The following FAM13C variants were observed in gnomAD, a reference collection of about 807,000 sequenced individuals.
FAM13C encodes family with sequence similarity 13 member C, also known as protein FAM13C.
In FAM13C, 37 loss-of-function variants were observed where a neutral mutation model predicts 73.2. The ratio of observed to expected loss-of-function variants is 0.51; its 90% CI spans 0.39 to 0.67. The LOEUF (loss-of-function observed/expected upper bound fraction) is 0.67, where lower values mean the gene tolerates loss of function less well. Among genes scored for constraint, FAM13C ranks in the 30% least tolerant of loss-of-function variants. The pLI, the probability that FAM13C is intolerant of heterozygous loss-of-function variation, is 0.00. For missense variants in FAM13C, 589 were observed against 715.6 expected (o/e 0.82, Z 2.02); for synonymous variants, 246 against 260.9 (o/e 0.94, Z 0.55).
chr10:59,349,515 A>T lies in FAM13C; in HGVS notation c.324+2755T>A, dbSNP rs145256181. Among the ~76,000 whole-genome samples the T allele has an allele frequency of 4.0e-3, 602 of 152,274 alleles. 3 individuals are homozygous for T. The highest frequency in any genetic ancestry group is 6.8e-3 in the Middle Eastern group (2 of 294). Reference sequence around the variant, plus strand: ...GCTGGGTGTAGTGGCTCATGCCTATATTCCCAGCACTTTGGGAGGCTGAAG... The same window carrying T: ...GCTGGGTGTAGTGGCTCATGCCTATTTTCCCAGCACTTTGGGAGGCTGAAG... On this transcript the variant is annotated intron_variant, in intron 3 of 13. Coordinates refer to ENST00000618804, the MANE Select transcript of FAM13C (RefSeq NM_198215.4).
intron 4 of FAM13C, among the ~76,000 whole-genome samples, chr10:59,305,654 C>T (rs761558849): frequency 1.4e-4 from 22 of 152,084 alleles, no homozygotes; most frequent in Non-Finnish European, 2.2e-4. Context: ...ACAAGCTTTG[C>T]TTACTGTGCA....
chr10:59,323,126 C>A (rs1017011304), intron 4 of FAM13C: 4 of 152,210 alleles, frequency 2.6e-5, no homozygotes, highest in Admixed American at 2.6e-4. Flanking sequence ...AAAAACAATT[C>A]TAAAGGTCAG....
At chr10:59,291,177 G>A (rs925290747) in intron 5 of FAM13C, among the ~76,000 whole-genome samples, 5 of 152,036 alleles carry the variant, frequency 3.3e-5, no homozygotes, top group Non-Finnish European at 7.4e-5. Context: ...TTTATCCTTC[G>A]GTTGGTTCCC....
intron 3 of FAM13C, among the ~76,000 whole-genome samples, chr10:59,343,772 T>A (rs775147183): frequency 1.2e-4 from 19 of 152,166 alleles, no homozygotes; most frequent in Non-Finnish European, 2.8e-4. Flanking sequence ...TGGTGACCAA[T>A]GATGGTTATG....
At chr10:59,354,414 T>C (rs188238386) in intron 2 of FAM13C, among the ~76,000 whole-genome samples, 42 of 152,294 alleles carry the variant, frequency 2.8e-4, no homozygotes, top group African/African-American at 8.7e-4. Flanking sequence ...GTTATGTAAT[T>C]TATGCCACTA....
intron 5 of FAM13C, among the ~76,000 whole-genome samples, chr10:59,289,880 C>T (rs1211223730): frequency 6.6e-6 from 1 of 152,122 alleles, no homozygotes; most frequent in African/African-American, 2.4e-5. Flanking sequence ...CCTGCCTCCC[C>T]AAGCCCGTCA....
chr10:59,326,991 T>C (rs1851234294), intron 3 of FAM13C, among the ~76,000 whole-genome samples: 1 of 152,190 alleles, frequency 6.6e-6, no homozygotes, highest in Non-Finnish European at 1.5e-5. Flanking sequence ...ATTACATAAG[T>C]CTTTTAGGAA....
intron 4 of FAM13C, among the ~76,000 whole-genome samples, chr10:59,319,953 T>C (rs1432294883): frequency 1.3e-5 from 2 of 152,174 alleles, no homozygotes; most frequent in African/African-American, 4.8e-5. Flanking sequence ...GCCATCACCA[T>C]ATGATAAGAC....
intron 12 of FAM13C, among the ~76,000 whole-genome samples, chr10:59,251,926 G>T (rs913695520): frequency 5.3e-5 from 8 of 152,072 alleles, no homozygotes; most frequent in Admixed American, 3.9e-4. Context: ...GAGATTGATT[G>T]AATCCACTGA....
intron 4 of FAM13C, among the ~76,000 whole-genome samples, chr10:59,308,242 C>T (rs962416824): frequency 6.6e-6 from 1 of 152,128 alleles, no homozygotes; most frequent in African/African-American, 2.4e-5. Flanking sequence ...ATGCAGCCTG[C>T]ACTCCTCAGA....
At chr10:59,356,066 C>A in intron 1 of FAM13C, 123 bp from the exon 2 acceptor site, 1 of 874,438 alleles carries the variant, frequency 1.1e-6, no homozygotes. Context: ...CCCTATCATT[C>A]TCTCCCAAAT....
intron 4 of FAM13C, among the ~76,000 whole-genome samples, chr10:59,312,270 A>T (rs944834014): frequency 1.3e-5 from 2 of 152,210 alleles, no homozygotes; most frequent in Non-Finnish European, 2.9e-5. Flanking sequence ...GAACACAAGA[A>T]TATTTTTCAA....
chr10:59,317,299 C>G (rs984273388), intron 4 of FAM13C, among the ~76,000 whole-genome samples: 3 of 152,136 alleles, frequency 2.0e-5, no homozygotes, highest in African/African-American at 4.8e-5. Context: ...ACACTGAACA[C>G]TTAACCAGCT....
chr10:59,301,661 TTG>T (rs1847618018), intron 5 of FAM13C, among the ~76,000 whole-genome samples: 2 of 152,238 alleles, frequency 1.3e-5, no homozygotes, highest in Non-Finnish European at 2.9e-5. Context: ...AACTAGCATT[TTG>T]CTTGTTCACA....
intron 6 of FAM13C, among the ~76,000 whole-genome samples, chr10:59,278,277 C>A (rs1331429678): frequency 6.6e-6 from 1 of 152,306 alleles, no homozygotes; most frequent in East Asian, 1.9e-4. Flanking sequence ...TCACCAGTTA[C>A]ATCTCCAAGT....
intron 1 of FAM13C, among the ~76,000 whole-genome samples, chr10:59,359,959 G>T (rs1410645623): frequency 6.6e-6 from 1 of 152,202 alleles, no homozygotes; most frequent in African/African-American, 2.4e-5. Context: ...AATATTAGAT[G>T]AAAAGGTGCC....
At chr10:59,260,386 C>T (rs1200302984) in intron 10 of FAM13C, among the ~76,000 whole-genome samples, 1 of 152,146 alleles carries the variant, frequency 6.6e-6, no homozygotes, top group African/African-American at 2.4e-5. Context: ...GACTTGATCT[C>T]ATGCCATCCT....
chr10:59,340,854 G>GT (rs1554839105), intron 3 of FAM13C, among the ~76,000 whole-genome samples: 1 of 151,832 alleles, frequency 6.6e-6, no homozygotes, highest in African/African-American at 2.4e-5. Flanking sequence ...TTGCACCAAT[G>GT]TAATATTTAG....
At chr10:59,362,367 C>A (rs1430048024) in intron 1 of FAM13C, 32 bp downstream of exon 1, 1 of 1,610,876 alleles carries the variant, frequency 6.2e-7, no homozygotes, top group Non-Finnish European at 8.5e-7. Context: ...GAAAGGCATG[C>A]AAGTCTAATT....
Sources: allele counts gnomAD v4.1 joint callset (sites outside exome capture counted in the v4.1 genomes callset), GRCh38; gene constraint gnomAD v4.1.1; transcripts MANE v1.5; gene names NCBI Gene and HGNC (gene_info 2026-07-23, HGNC 2026-07-21).